The following RPS6KA2 variants were observed in gnomAD, a reference collection of about 807,000 sequenced individuals.
RPS6KA2 encodes the protein ribosomal protein S6 kinase A2, also known as ribosomal protein S6 kinase alpha-2.
RPS6KA2 carries 42 observed loss-of-function variants against 91.8 expected under a neutral mutation model. That is an observed-to-expected ratio of 0.46 (90% CI 0.36 to 0.59). The LOEUF is 0.59. Ranked by LOEUF, RPS6KA2 falls within the 20% of genes least tolerant of loss-of-function variation. RPS6KA2 has a pLI of 0.00. For missense variants in RPS6KA2, 798 were observed against 978.5 expected, an observed-to-expected ratio of 0.82 and a Z score of 2.46; for synonymous variants, 414 against 393.6, an observed-to-expected ratio of 1.05 and a Z score of -0.61.
In RPS6KA2 at chr6:166,462,593, C is replaced by G. The variant is rs79262636; in HGVS notation, c.973-3042G>C. On this transcript the variant is annotated intron_variant, in intron 11 of 20. Transcript: ENST00000265678. ...ACTGCGCCTGGGGGCTGGGCTCAGA[C>G]TTCCCCTGTGCTCTGCCCCATCTGT... is the stretch of plus-strand genomic sequence containing the variant. 6.2e-3 allele frequency among the ~76,000 whole-genome samples: 947 copies of G among 152,344 alleles called. 2 individuals carry two copies. The highest frequency in any genetic ancestry group is 0.01 in the Non-Finnish European group (706 of 68,020).
intron 1 of RPS6KA2, among the ~76,000 whole-genome samples, chr6:166,620,664 AGAACCTTTACAGATAT>A (rs1318517924): frequency 6.6e-6 from 1 of 152,248 alleles, no homozygotes; most frequent in Non-Finnish European, 1.5e-5. Context: ...ATGTAGTGCA[AGAACCTTTACAGATAT>A]GGTCTCACCA....
Position 166,418,023 on chromosome 6 carries a change from G to C in RPS6KA2, c.1938+202C>G, listed in dbSNP as rs1583105206. ...GAATTACTTGAACCCAGGAGGCAGA[G>C]GCTGCAGTGAGCCAAGATTGTGCCA... On this transcript the variant is annotated intron_variant, in intron 19 of 20. Coordinates refer to ENST00000265678, the MANE Select transcript of RPS6KA2 (RefSeq NM_021135.6). This position sits in a 1 kb window ranked among gnomAD's most constrained non-coding sequence, Gnocchi z 4.9. 6.6e-6 allele frequency among the ~76,000 whole-genome samples: 1 copy of C among 152,062 alleles called. No individual in the cohort carries two copies. The highest frequency in any genetic ancestry group is 1.5e-5 in the Non-Finnish European group (1 of 68,016).
intron 2 of RPS6KA2, among the ~76,000 whole-genome samples, chr6:166,722,713 T>C (rs1025125476): frequency 6.6e-6 from 1 of 152,236 alleles, no homozygotes; most frequent in Admixed American, 6.5e-5. Context: ...TCCCATTCTC[T>C]GAAACGCTTG....
chr6:166,436,748 G>A (rs994940591), intron 14 of RPS6KA2, among the ~76,000 whole-genome samples: 2 of 152,194 alleles, frequency 1.3e-5, no homozygotes, highest in East Asian at 1.9e-4. Flanking sequence ...GGGAAATGGC[G>A]CTCCCCGTCC....
At chr6:166,862,235 G>A in exon 1 of RPS6KA2, 1 of 1,611,110 alleles carries the variant, frequency 6.2e-7, no homozygotes, top group Non-Finnish European at 8.5e-7. Flanking sequence ...CAGAGGCTCG[G>A]ACCGGCACAG....
At chr6:166,657,337 G>GA (rs1788032152) in intron 2 of RPS6KA2, among the ~76,000 whole-genome samples, 1 of 130,278 alleles carries the variant, frequency 7.7e-6, no homozygotes. Context: ...AAACAAAACA[G>GA]AACAAAAAAA....
intron 2 of RPS6KA2, among the ~76,000 whole-genome samples, chr6:166,641,782 C>G (rs1787446509): frequency 1.4e-5 from 1 of 69,002 alleles, no homozygotes; most frequent in South Asian, 5.8e-4. Context: ...GATCAATTAA[C>G]AGCAGTTTGG....
At chr6:166,735,195 C>A (rs1420573125) in intron 2 of RPS6KA2, among the ~76,000 whole-genome samples, 1 of 152,244 alleles carries the variant, frequency 6.6e-6, no homozygotes, top group Non-Finnish European at 1.5e-5. Context: ...TCAGGCTGTG[C>A]TGCAGAGAAA....
intron 2 of RPS6KA2, chr6:166,701,444 G>A (rs769656117): frequency 7.6e-6 from 9 of 1,188,470 alleles, no homozygotes; most frequent in South Asian, 3.6e-5. Context: ...GCCTTGAACC[G>A]AGCCTCTGGT....
At chr6:166,488,387 C>G (rs1235732828) in intron 10 of RPS6KA2, among the ~76,000 whole-genome samples, 1 of 152,198 alleles carries the variant, frequency 6.6e-6, no homozygotes, top group African/African-American at 2.4e-5. Flanking sequence ...ACGGAGTAAT[C>G]CTCAATACGC....
At chr6:166,559,350 A>G (rs1293551462) in intron 1 of RPS6KA2, among the ~76,000 whole-genome samples, 1 of 152,196 alleles carries the variant, frequency 6.6e-6, no homozygotes, top group African/African-American at 2.4e-5. Context: ...GATGCATGAC[A>G]TACGAATTTT....
intron 2 of RPS6KA2, among the ~76,000 whole-genome samples, chr6:166,844,326 T>C (rs1428577690): frequency 6.6e-6 from 1 of 152,034 alleles, no homozygotes; most frequent in Non-Finnish European, 1.5e-5. Flanking sequence ...AGAAGAGAAA[T>C]CTAAAAGTCT....
intron 14 of RPS6KA2, among the ~76,000 whole-genome samples, chr6:166,446,224 C>T (rs527647488): frequency 5.3e-5 from 8 of 152,292 alleles, no homozygotes; most frequent in African/African-American, 1.4e-4. Flanking sequence ...TTGTTGTCAC[C>T]GCTCCCTTGA....
intron 2 of RPS6KA2, among the ~76,000 whole-genome samples, chr6:166,725,315 CA>C (rs1317082218): frequency 6.6e-6 from 1 of 152,192 alleles, no homozygotes; most frequent in African/African-American, 2.4e-5. Context: ...TAAATCCTCA[CA>C]GATTATGTCA....
intron 2 of RPS6KA2, among the ~76,000 whole-genome samples, chr6:166,855,429 GGAA>G (rs148701868): frequency 0.65 from 75,613 of 116,174 alleles, 24,637 homozygotes; most frequent in Non-Finnish European, 0.75. Context: ...AAGAAGAAGA[GGAA>G]GAAGAGGAAG....
rs55897486 is a variant in RPS6KA2 at position 166,823,758 on chromosome 6, G to A, written c.123+34442C>T. Among the ~76,000 whole-genome samples, 1,417 of 152,240 alleles carry A rather than the reference G, an allele frequency of 9.3e-3. 12 individuals are homozygous for A. Among genetic ancestry groups the A allele is most frequent in the African/African-American group, 0.032 (1,340 of 41,518 alleles). ...ACAGGCATTTCACAGGAGAGGAATC[G>A]GACATGGCCACTAAAAATGTAGAGA... On this transcript the variant is annotated intron_variant, in intron 2 of 21. Transcript: ENST00000503859.
chr6:166,592,672 C>T (rs964757416), intron 1 of RPS6KA2, among the ~76,000 whole-genome samples: 6 of 133,860 alleles, frequency 4.5e-5, no homozygotes, highest in African/African-American at 1.2e-4. Flanking sequence ...GGGCAGCCAC[C>T]GCACAGAACT....
chr6:166,760,236 T>C (rs957103517), intron 2 of RPS6KA2, among the ~76,000 whole-genome samples: 2 of 152,174 alleles, frequency 1.3e-5, no homozygotes, highest in Admixed American at 1.3e-4. Flanking sequence ...GAGAGGAAGG[T>C]GGGCTCATTC....
intron 16 of RPS6KA2, among the ~76,000 whole-genome samples, chr6:166,424,375 G>A (rs138793774): frequency 6.6e-6 from 1 of 152,364 alleles, no homozygotes; most frequent in Non-Finnish European, 1.5e-5. Context: ...AGACCCCAGT[G>A]TGTGGTCCTG....
Sources: gnomAD v4.1 joint callset for allele counts (sites outside exome capture counted in the v4.1 genomes callset) on GRCh38, gnomAD v4.1.1 for gene constraint, Gnocchi (gnomAD v3.1) non-coding constraint, MANE v1.5 for transcripts, NCBI Gene and HGNC (gene_info 2026-07-23, HGNC 2026-07-21) for gene names.